VWA8: variants seen among roughly 807,000 people sequenced by gnomAD.
VWA8 encodes the protein von Willebrand factor A domain containing 8.
Under a neutral mutation model 241.5 loss-of-function variants are expected in VWA8, and 221 were observed. The observed-to-expected ratio is 0.91, with a 90% confidence interval of 0.82 to 1.02. The LOEUF (loss-of-function observed/expected upper bound fraction) is 1.02. Among genes scored for constraint, VWA8 ranks in the 50% least tolerant of loss-of-function variants. VWA8 has a pLI of 0.00. For synonymous variants in VWA8, 852 were observed against 827.1 expected (o/e 1.03, Z -0.52); for missense variants, 2,322 against 2,328.7 (o/e 1.00, Z 0.06).
Position 41,614,877 on chromosome 13 carries a change from G to A in VWA8, c.4720+99C>T, listed in dbSNP as rs1480490583. On this transcript the variant is annotated intron_variant, in intron 38 of 44. Transcript: ENST00000379310. ...CTGAGTAATGAGGGAGGCTGAGAAG[G>A]AAAGCCCGTCTCTGAGTCTTCTCAG... 3.2e-5 allele frequency: 38 copies of A among 1,182,896 alleles called. No individual in the cohort carries two copies. In the East Asian group the frequency reaches 5.3e-4, roughly 17 times the overall value. The allele number at this position is 1,182,896 out of a possible 1,614,324, so 73.3% of individuals were successfully genotyped here.
rs550495791 is a variant in VWA8, at chr13:41,916,757, A to C, written c.242-4589T>G. On this transcript the variant is annotated intron_variant, in intron 2 of 44. Coordinates refer to ENST00000379310, the MANE Select transcript of VWA8 (RefSeq NM_015058.2). ...ATTTTTAGAATGGCCTCAAGAAAACATGAGTCATACTTAAAAGCACGCCAG... is the reference window on the plus strand; with the variant it reads ...ATTTTTAGAATGGCCTCAAGAAAACCTGAGTCATACTTAAAAGCACGCCAG... 2.0e-5 allele frequency among the ~76,000 whole-genome samples: 3 copies of C among 152,340 alleles called. No individual in the cohort carries two copies. In the South Asian group the frequency reaches 6.2e-4, roughly 32 times the overall value.
chr13:41,876,391 T>A (rs921172092), intron 9 of VWA8, among the ~76,000 whole-genome samples: 1 of 152,090 alleles, frequency 6.6e-6, no homozygotes, highest in African/African-American at 2.4e-5. Flanking sequence ...TCACTCACTC[T>A]GCCCCAATAC....
intron 2 of VWA8, among the ~76,000 whole-genome samples, chr13:41,939,320 T>C (rs1877490483): frequency 6.6e-6 from 1 of 152,232 alleles, no homozygotes; most frequent in African/African-American, 2.4e-5. Flanking sequence ...GAATCCCTTT[T>C]TGAAAACTGC....
intron 17 of VWA8, among the ~76,000 whole-genome samples, chr13:41,807,525 C>T (rs1870269162): frequency 6.6e-6 from 1 of 152,206 alleles, no homozygotes; most frequent in African/African-American, 2.4e-5. Flanking sequence ...GGGATGCCAG[C>T]ATGGTTAAAC....
At chr13:41,678,991 A>G (rs2045079293) in intron 35 of VWA8, among the ~76,000 whole-genome samples, 1 of 152,216 alleles carries the variant, frequency 6.6e-6, no homozygotes, top group Non-Finnish European at 1.5e-5. Flanking sequence ...AGATTCTTGA[A>G]CAGAATACTT....
intron 34 of VWA8, among the ~76,000 whole-genome samples, chr13:41,686,405 T>C (rs1466418926): frequency 6.6e-6 from 1 of 152,116 alleles, no homozygotes; most frequent in Non-Finnish European, 1.5e-5. Context: ...TGGTTTTAAT[T>C]TGCATTTCTC....
At chr13:41,726,552 G>A (rs2045435320) in intron 24 of VWA8, among the ~76,000 whole-genome samples, 1 of 152,102 alleles carries the variant, frequency 6.6e-6, no homozygotes, top group South Asian at 2.1e-4. Flanking sequence ...TGTGACAAAA[G>A]TAAAACCATT....
chr13:41,911,795 C>T (rs538640375), intron 3 of VWA8, among the ~76,000 whole-genome samples: 5 of 152,270 alleles, frequency 3.3e-5, no homozygotes, highest in African/African-American at 1.2e-4. Context: ...CTCTTTTCTA[C>T]TGGAAGTGGG....
Position 41,866,022 on chromosome 13 carries a change from G to A in VWA8, c.1227C>T (p.Thr409=), listed in dbSNP as rs377211913. The A allele has an allele frequency of 1.1e-5, 17 of 1,613,884 alleles. No individual in the cohort carries two copies. Among genetic ancestry groups the A allele is most frequent in the Admixed American group, 1.7e-5 (1 of 59,988 alleles). ...ACGCACAAGGTTGACTTAATAGCCT[G>A]GTCCCGGCTGGCACCTATAATTAAA... The part of the protein sequence containing the change: ...KEVTIKVPAG[T]RLLSQPCASD... Residue 409 remains threonine (T), a synonymous_variant, in exon 11 of 45, where the codon ACC becomes ACT. Coordinates refer to ENST00000379310, the MANE Select transcript of VWA8 (RefSeq NM_015058.2).
chr13:41,610,947 C>T (rs1218175451), intron 39 of VWA8, among the ~76,000 whole-genome samples: 1 of 152,146 alleles, frequency 6.6e-6, no homozygotes, highest in East Asian at 1.9e-4. Context: ...ATGAGGCCTC[C>T]CTATCCAAAC....
At position 41,787,507 on chromosome 13, in the gene VWA8, T is replaced by C. The variant is rs1271618333; in HGVS notation, c.2100A>G (p.Lys700=). 6.2e-7 allele frequency: 1 copy of C among 1,612,822 alleles called. No homozygotes were observed. Among genetic ancestry groups the C allele is most frequent in the East Asian group, 2.2e-5 (1 of 44,764 alleles). ...LPSLARSALE[K]NLADATIEIN... is the part of the protein sequence containing the mutation. ...TTTCTATTGTAGCATCTGCCAGATT[T>C]TTTTCTAATGCTGACCTAGCAAGAC... is the stretch of plus-strand genomic sequence containing the variant. Residue 700 remains lysine, a synonymous_variant, in exon 18 of 45, where the codon AAA becomes AAG. Transcript: ENST00000379310.
intron 42 of VWA8, among the ~76,000 whole-genome samples, chr13:41,586,943 C>A (rs1345688557): frequency 1.3e-5 from 2 of 152,184 alleles, no homozygotes; most frequent in Non-Finnish European, 2.9e-5. Context: ...TCATATCAAG[C>A]AGTAACACAG....
intron 36 of VWA8, 29 bp downstream of exon 36, chr13:41,675,186 A>G: frequency 6.5e-7 from 1 of 1,541,970 alleles, no homozygotes; most frequent in Non-Finnish European, 8.9e-7. Flanking sequence ...ATGACATACT[A>G]AGCTAAGAAC....
intron 40 of VWA8, among the ~76,000 whole-genome samples, chr13:41,602,281 G>A (rs1346010920): frequency 6.6e-6 from 1 of 152,106 alleles, no homozygotes; most frequent in Non-Finnish European, 1.5e-5. Flanking sequence ...ATGAGTATAT[G>A]TAAGCATATG....
At chr13:41,897,038 A>G (rs539145842) in intron 4 of VWA8, among the ~76,000 whole-genome samples, 2 of 152,312 alleles carry the variant, frequency 1.3e-5, no homozygotes, top group South Asian at 2.1e-4. Flanking sequence ...TGGTAATTCA[A>G]TATGATGGAC....
intron 26 of VWA8, among the ~76,000 whole-genome samples, chr13:41,718,900 A>G (rs1354549041): frequency 1.3e-5 from 2 of 151,938 alleles, no homozygotes; most frequent in Admixed American, 6.6e-5. Context: ...CAAAGATGGT[A>G]TTAGATGCAT....
In VWA8 at chr13:41,568,042, T is replaced by C; in HGVS notation, c.*155A>G. ...TCTCCTTCTGGCTGCTTCTCTGAATTCTCATTACGGAGCAAGTGTAGGAAG... is the reference window on the plus strand; with the variant it reads ...TCTCCTTCTGGCTGCTTCTCTGAATCCTCATTACGGAGCAAGTGTAGGAAG... On this transcript the variant is annotated 3_prime_UTR_variant, in exon 45 of 45. Coordinates refer to ENST00000379310, the MANE Select transcript of VWA8 (RefSeq NM_015058.2). The C allele has an allele frequency of 1.6e-6, 1 of 627,948 alleles. No homozygotes were observed. Among genetic ancestry groups the C allele is most frequent in the Non-Finnish European group, 2.8e-6 (1 of 363,250 alleles). The allele number at this position is 627,948 out of a possible 1,614,324, so 38.9% of individuals were successfully genotyped here.
At chr13:41,822,151 G>A (rs1870986338) in intron 14 of VWA8, among the ~76,000 whole-genome samples, 1 of 152,050 alleles carries the variant, frequency 6.6e-6, no homozygotes, top group Non-Finnish European at 1.5e-5. Flanking sequence ...AATATGCATA[G>A]TTTATTATAT....
intron 39 of VWA8, among the ~76,000 whole-genome samples, chr13:41,609,049 G>A (rs920137425): frequency 5.9e-5 from 9 of 152,174 alleles, no homozygotes; most frequent in Admixed American, 2.0e-4. Context: ...TTGTATGCAC[G>A]TGTGTGTCAT....
Sources: allele counts gnomAD v4.1 joint callset (sites outside exome capture counted in the v4.1 genomes callset), GRCh38; gene constraint gnomAD v4.1.1; transcripts MANE v1.5; gene names NCBI Gene and HGNC (gene_info 2026-07-23, HGNC 2026-07-21).